PTPRN2: variants seen among roughly 807,000 people sequenced by gnomAD.
PTPRN2 encodes the protein protein tyrosine phosphatase receptor type N2.
In PTPRN2, 74 loss-of-function variants were observed where a neutral mutation model predicts 118.8. The observed-to-expected ratio is 0.62, with a 90% CI of 0.52 to 0.76. The LOEUF is 0.76. Ranked by LOEUF, PTPRN2 falls within the 30% of genes least tolerant of loss-of-function variation. PTPRN2 has a pLI of 0.00. For synonymous variants in PTPRN2, 641 were observed against 608.0 expected, an observed-to-expected ratio of 1.05 and a Z score of -0.80; for missense variants, 1,481 against 1,394.4, an observed-to-expected ratio of 1.06 and a Z score of -0.99.
chr7:158,270,972 ACCACCCCCTCCACCTGGG>A (rs1798433024), intron 3 of PTPRN2, among the ~76,000 whole-genome samples: 1 of 29,362 alleles, frequency 3.4e-5, no homozygotes, highest in Non-Finnish European at 6.6e-5. Context: ...CTCCACCTGG[ACCACCCCCTCCACCTGGG>A]CCTCCCCATC....
At chr7:158,064,397 G>C (rs891466793) in intron 11 of PTPRN2, among the ~76,000 whole-genome samples, 1 of 152,156 alleles carries the variant, frequency 6.6e-6, no homozygotes, top group Non-Finnish European at 1.5e-5. Flanking sequence ...GCCCCCGGGA[G>C]AGCATGGGAG....
chr7:158,582,555 CAA>C (rs143419355), intron 1 of PTPRN2, among the ~76,000 whole-genome samples: 2 of 140,678 alleles, frequency 1.4e-5, no homozygotes, highest in African/African-American at 2.6e-5. Flanking sequence ...CGTCCTCTCT[CAA>C]AAAAAAAAAA....
intron 11 of PTPRN2, among the ~76,000 whole-genome samples, chr7:158,050,076 G>C (rs528459862): frequency 6.6e-6 from 1 of 152,180 alleles, no homozygotes; most frequent in Non-Finnish European, 1.5e-5. Flanking sequence ...TACATGTAGG[G>C]TAATGGGCAC....
chr7:157,658,876 A>G (rs1309553532), intron 13 of PTPRN2, among the ~76,000 whole-genome samples: 2 of 152,072 alleles, frequency 1.3e-5, no homozygotes, highest in Non-Finnish European at 1.5e-5. Flanking sequence ...CCTTGGTTTC[A>G]TTTTGGTGGT....
At chr7:158,435,019 A>G (rs1816480021) in intron 2 of PTPRN2, among the ~76,000 whole-genome samples, 1 of 152,204 alleles carries the variant, frequency 6.6e-6, no homozygotes, top group Non-Finnish European at 1.5e-5. Context: ...GAAATATAGG[A>G]AAAAACCTTC....
At chr7:157,856,935 T>C (rs1180115112) in intron 12 of PTPRN2, among the ~76,000 whole-genome samples, 5 of 152,186 alleles carry the variant, frequency 3.3e-5, no homozygotes, top group Non-Finnish European at 5.9e-5. Flanking sequence ...CCACGGCTCA[T>C]GATTTATTCT....
At position 158,171,113 on chromosome 7, in the gene PTPRN2, T is replaced by C. The variant is rs375697640; in HGVS notation, c.550-3822A>G. On this transcript the variant is annotated intron_variant, in intron 5 of 22. Transcript: ENST00000389418. ...ACACATATATATATACACATATATATACACACATATATACACATATATACA... is the reference window on the plus strand; with the variant it reads ...ACACATATATATATACACATATATACACACACATATATACACATATATACA... 7.7e-4 allele frequency among the ~76,000 whole-genome samples: 53 copies of C among 68,668 alleles called. 3 individuals are homozygous for C. The highest frequency in any genetic ancestry group is 1.7e-3 in the African/African-American group (19 of 11,250). 45.0% of individuals were successfully genotyped at this position (68,668 alleles called of 152,430 possible).
intron 2 of PTPRN2, among the ~76,000 whole-genome samples, chr7:158,474,180 C>T (rs1343458032): frequency 2.0e-5 from 3 of 152,166 alleles, no homozygotes; most frequent in Non-Finnish European, 2.9e-5. Flanking sequence ...TAAGCCAGGC[C>T]AACCCAAGAG....
At position 157,590,623 on chromosome 7, in the gene PTPRN2, C is replaced by A. The variant is rs142399867; in HGVS notation, c.2496+4615G>T. Among the ~76,000 whole-genome samples, 1 of 152,180 alleles carries A rather than the reference C, an allele frequency of 6.6e-6. No individual in the cohort carries two copies. The highest frequency in any genetic ancestry group is 6.5e-5 in the Admixed American group (1 of 15,286). The stretch of plus-strand genomic sequence containing the variant: ...CTGGGCTCTGCTCAGGGACGCAGCA[C>A]GGACAGAGGTGCTGTGGGCCCTGCG... On this transcript the variant is annotated intron_variant, in intron 17 of 22. Transcript: ENST00000389418. This position sits in a 1 kb window ranked among gnomAD's most constrained non-coding sequence, Gnocchi z 4.0.
intron 12 of PTPRN2, among the ~76,000 whole-genome samples, chr7:157,722,343 A>G (rs1799285966): frequency 6.6e-6 from 1 of 152,200 alleles, no homozygotes; most frequent in African/African-American, 2.4e-5. Context: ...CTGACAGAAG[A>G]CATGGTCTCT....
At chr7:157,917,979 T>C (rs774739798) in intron 11 of PTPRN2, among the ~76,000 whole-genome samples, 1 of 152,174 alleles carries the variant, frequency 6.6e-6, no homozygotes, top group Non-Finnish European at 1.5e-5. Context: ...AAAAGGCATC[T>C]GAATAAATGG....
intron 14 of PTPRN2, among the ~76,000 whole-genome samples, chr7:157,637,797 C>G (rs1804411607): frequency 6.6e-6 from 1 of 152,214 alleles, no homozygotes; most frequent in Non-Finnish European, 1.5e-5. Flanking sequence ...TTCTCCCGCT[C>G]CCAAGTAGCA....
At position 157,881,535 on chromosome 7, in the gene PTPRN2, G is replaced by A. The variant is rs1796130095; in HGVS notation, c.1788+17138C>T. The stretch of plus-strand genomic sequence containing the variant: ...CCCCACTCTGCAGTATTCTGTTGTG[G>A]CAGCCAGAGAGGACGCACATGGTCA... On this transcript the variant is annotated intron_variant, in intron 12 of 22. Transcript: ENST00000389418. This position sits in a 1 kb window ranked among gnomAD's most constrained non-coding sequence, Gnocchi z 4.7. Among the ~76,000 whole-genome samples the A allele has an allele frequency of 6.6e-6, 1 of 152,062 alleles. No individual in the cohort carries two copies. The highest frequency in any genetic ancestry group is 1.5e-5 in the Non-Finnish European group (1 of 68,016).
At chr7:158,376,976 G>A (rs1468663792) in intron 2 of PTPRN2, among the ~76,000 whole-genome samples, 16 of 109,434 alleles carry the variant, frequency 1.5e-4, no homozygotes, top group Non-Finnish European at 2.5e-4. Flanking sequence ...TCCTGCACGC[G>A]GGGTCAGGGG....
intron 1 of PTPRN2, among the ~76,000 whole-genome samples, chr7:158,521,964 C>T (rs1399604971): frequency 9.7e-5 from 9 of 92,868 alleles, no homozygotes; most frequent in South Asian, 4.0e-4. Flanking sequence ...GGGAGGTCCA[C>T]GTCACAATGG....
chr7:157,570,982 C>T lies in PTPRN2; in HGVS notation c.2837+458G>A, dbSNP rs555777063. Among the ~76,000 whole-genome samples, 7 of 152,240 alleles carry T rather than the reference C, an allele frequency of 4.6e-5. No individual in the cohort carries two copies. In the East Asian group the frequency reaches 5.8e-4, roughly 13 times the overall value. On this transcript the variant is annotated intron_variant, in intron 20 of 22. Coordinates refer to ENST00000389418, the MANE Select transcript of PTPRN2 (RefSeq NM_002847.5). ...ATGTGAGGCCTCGCGCGGTGGCTCA[C>T]GCCTGTAATCCCAGCACGTTGGGAG...
chr7:157,984,864 T>G (rs1168019280), intron 11 of PTPRN2, among the ~76,000 whole-genome samples: 1 of 152,206 alleles, frequency 6.6e-6, no homozygotes, highest in South Asian at 2.1e-4. Context: ...AGGCCCTGCC[T>G]CAGCCACTGG....
At chr7:157,806,638 ATG>A (rs368235731) in intron 12 of PTPRN2, among the ~76,000 whole-genome samples, 4 of 151,650 alleles carry the variant, frequency 2.6e-5, no homozygotes, top group South Asian at 2.1e-4. Context: ...ATACGCATGT[ATG>A]TGTGTGTGTG....
At chr7:157,940,711 T>C (rs1585053272) in intron 11 of PTPRN2, among the ~76,000 whole-genome samples, 1 of 78,390 alleles carries the variant, frequency 1.3e-5, no homozygotes, top group Non-Finnish European at 2.3e-5. Context: ...CGCCCCCCCG[T>C]GACACTGCAA....
Sources: gnomAD v4.1 joint callset for allele counts (sites outside exome capture counted in the v4.1 genomes callset) on GRCh38, gnomAD v4.1.1 for gene constraint, Gnocchi (gnomAD v3.1) non-coding constraint, MANE v1.5 for transcripts, NCBI Gene and HGNC (gene_info 2026-07-23, HGNC 2026-07-21) for gene names.